The following CCDC85A variants were observed in gnomAD, a reference collection of about 807,000 sequenced individuals.
CCDC85A encodes coiled-coil domain containing 85A, also known as coiled-coil domain-containing protein 85A.
A neutral mutation model predicts 50.2 loss-of-function variants in CCDC85A; 38 were observed. That is an observed-to-expected ratio of 0.76 (90% CI 0.58 to 0.99). CCDC85A has a LOEUF of 0.99. CCDC85A is among the 50% of genes least tolerant of loss of function. The pLI, the probability that CCDC85A is intolerant of heterozygous loss-of-function variation, is 0.00. For synonymous variants in CCDC85A, 366 were observed against 301.4 expected (o/e 1.21, Z -2.22); for missense variants, 820 against 742.0 (o/e 1.11, Z -1.22).
intron 3 of CCDC85A, among the ~76,000 whole-genome samples, chr2:56,366,685 A>G (rs1277295856): frequency 6.6e-6 from 1 of 152,102 alleles, no homozygotes; most frequent in Non-Finnish European, 1.5e-5. Context: ...AGTTTTATTA[A>G]TCTTTTAATG....
intron 2 of CCDC85A, among the ~76,000 whole-genome samples, chr2:56,249,158 C>T (rs1260063387): frequency 6.6e-6 from 1 of 152,220 alleles, no homozygotes; most frequent in African/African-American, 2.4e-5. Context: ...CTGGACAATC[C>T]ATTGCTGTAA....
intron 2 of CCDC85A, among the ~76,000 whole-genome samples, chr2:56,252,741 G>C (rs1669821268): frequency 6.6e-6 from 1 of 152,068 alleles, no homozygotes; most frequent in Non-Finnish European, 1.5e-5. Context: ...TCCCCTCCCT[G>C]TGTCCATGTG....
chr2:56,301,260 A>G (rs1339102416), intron 2 of CCDC85A, among the ~76,000 whole-genome samples: 1 of 152,072 alleles, frequency 6.6e-6, no homozygotes, highest in Non-Finnish European at 1.5e-5. Context: ...CTGTGTGTAA[A>G]TGTGTGGTGT....
At chr2:56,328,034 C>G (rs528307412) in intron 2 of CCDC85A, among the ~76,000 whole-genome samples, 36 of 152,160 alleles carry the variant, frequency 2.4e-4, no homozygotes, top group Non-Finnish European at 3.2e-4. Context: ...GGTTAAAACA[C>G]TGGCTAAAAG....
intron 2 of CCDC85A, among the ~76,000 whole-genome samples, chr2:56,318,962 G>A (rs1673040172): frequency 6.6e-6 from 1 of 152,094 alleles, no homozygotes; most frequent in Non-Finnish European, 1.5e-5. Context: ...GCTGCTATAG[G>A]TAGAAGATTG....
At chr2:56,302,140 C>T (rs954913178) in intron 2 of CCDC85A, among the ~76,000 whole-genome samples, 2 of 151,894 alleles carry the variant, frequency 1.3e-5, no homozygotes, top group Non-Finnish European at 2.9e-5. Context: ...CCTGTAATCC[C>T]AGCTAATCGG....
chr2:56,223,354 T>C (rs1223797594), intron 2 of CCDC85A, among the ~76,000 whole-genome samples: 1 of 152,152 alleles, frequency 6.6e-6, no homozygotes, highest in Non-Finnish European at 1.5e-5. Flanking sequence ...AGAGCAGATA[T>C]AGATAGTACA....
chr2:56,350,778 G>A (rs1489095768), intron 3 of CCDC85A, among the ~76,000 whole-genome samples: 2 of 148,850 alleles, frequency 1.3e-5, no homozygotes, highest in Non-Finnish European at 3.0e-5. Flanking sequence ...CTATTGCATG[G>A]ACATAGCATA....
chr2:56,201,049 A>T (rs978117471), intron 2 of CCDC85A, among the ~76,000 whole-genome samples: 2 of 150,370 alleles, frequency 1.3e-5, no homozygotes, highest in Admixed American at 1.3e-4. Context: ...AATTGCTCAA[A>T]AACTATTTCA....
At chr2:56,270,033 A>G (rs188125254) in intron 2 of CCDC85A, among the ~76,000 whole-genome samples, 3 of 152,320 alleles carry the variant, frequency 2.0e-5, no homozygotes, top group Admixed American at 1.3e-4. Flanking sequence ...TTTTGTGTAG[A>G]AATAGCCTGT....
At chr2:56,375,573 TG>T (rs1189130255) in intron 4 of CCDC85A, among the ~76,000 whole-genome samples, 1 of 152,136 alleles carries the variant, frequency 6.6e-6, no homozygotes, top group African/African-American at 2.4e-5. Flanking sequence ...GGCCATTCCT[TG>T]GGGGTGGGGC....
intron 2 of CCDC85A, among the ~76,000 whole-genome samples, chr2:56,335,279 A>T (rs899611250): frequency 1.3e-5 from 2 of 152,110 alleles, no homozygotes; most frequent in African/African-American, 4.8e-5. Context: ...TTCCTTAGGG[A>T]TGTGAAAAAG....
intron 2 of CCDC85A, among the ~76,000 whole-genome samples, chr2:56,294,232 A>C (rs779914366): frequency 1.3e-5 from 2 of 152,166 alleles, no homozygotes; most frequent in Non-Finnish European, 2.9e-5. Context: ...GTGGGAGCTG[A>C]ACAATGAGAA....
chr2:56,284,426 G>A (rs905945004), intron 2 of CCDC85A, among the ~76,000 whole-genome samples: 28 of 152,166 alleles, frequency 1.8e-4, no homozygotes, highest in African/African-American at 6.8e-4. Context: ...AGGTTGGAGT[G>A]CAGTGGCGTG....
chr2:56,301,239 G>A (rs1237979039), intron 2 of CCDC85A, among the ~76,000 whole-genome samples: 1 of 152,092 alleles, frequency 6.6e-6, no homozygotes, highest in Admixed American at 6.6e-5. Flanking sequence ...CACTAAATAT[G>A]TTGTGTTTGT....
At chr2:56,204,686 T>G (rs1292072527) in intron 2 of CCDC85A, among the ~76,000 whole-genome samples, 1 of 152,206 alleles carries the variant, frequency 6.6e-6, no homozygotes, top group African/African-American at 2.4e-5. Flanking sequence ...ACTTCTGACA[T>G]GGAGCAATGA....
chr2:56,194,576 A>G (rs951113751), intron 2 of CCDC85A, among the ~76,000 whole-genome samples: 3 of 152,182 alleles, frequency 2.0e-5, no homozygotes, highest in African/African-American at 7.2e-5. Flanking sequence ...GTAAATTTCA[A>G]TATTGTATTT....
intron 2 of CCDC85A, among the ~76,000 whole-genome samples, chr2:56,282,505 C>CATTT (rs1257455007): frequency 1.3e-5 from 2 of 151,952 alleles, no homozygotes; most frequent in Non-Finnish European, 2.9e-5. Flanking sequence ...ATTGACTTTT[C>CATTT]ATTTATTTAT....
At position 56,284,863 on chromosome 2, in the gene CCDC85A, T is replaced by C. The variant is rs546683973; in HGVS notation, c.1241-58016T>C. ...TCATTATGAATTGTCTTTCATTATC[T>C]ACAATAATAATCCTTGTCTTAAAGA... On this transcript the variant is annotated intron_variant, in intron 2 of 5. Coordinates refer to ENST00000407595, the MANE Select transcript of CCDC85A (RefSeq NM_001080433.2). Among the ~76,000 whole-genome samples, 2 of 152,366 alleles carry C rather than the reference T, an allele frequency of 1.3e-5. 1 individual carries two copies. The highest frequency in any genetic ancestry group is 4.1e-4 in the South Asian group (2 of 4,834).
Sources: allele counts gnomAD v4.1 joint callset (sites outside exome capture counted in the v4.1 genomes callset), GRCh38; gene constraint gnomAD v4.1.1; transcripts MANE v1.5; gene names NCBI Gene and HGNC (gene_info 2026-07-23, HGNC 2026-07-21).